URI1: variants seen among roughly 807,000 people sequenced by gnomAD.
URI1 encodes the protein URI1 prefoldin like chaperone, also known as unconventional prefoldin RPB5 interactor 1.
URI1 carries 39 observed loss-of-function variants against 60.2 expected under a neutral mutation model. The ratio of observed to expected loss-of-function variants is 0.65; its 90% CI spans 0.50 to 0.85. The LOEUF is 0.85. Among genes scored for constraint, URI1 ranks in the 40% least tolerant of loss-of-function variants. URI1 has a pLI of 0.00. For missense variants in URI1, 691 were observed against 665.9 expected (o/e 1.04, Z -0.42); for synonymous variants, 251 against 236.8 (o/e 1.06, Z -0.55).
intron 4 of URI1, among the ~76,000 whole-genome samples, chr19:29,994,399 G>A (rs1177430300): frequency 6.7e-6 from 1 of 148,360 alleles, no homozygotes; most frequent in African/African-American, 2.5e-5. Context: ...AATTAAAACT[G>A]TACCAGTTAG....
chr19:29,962,260 C>T (rs184031490), intron 1 of URI1, among the ~76,000 whole-genome samples: 92 of 150,014 alleles, frequency 6.1e-4, no homozygotes, highest in African/African-American at 2.0e-3. Context: ...TCTTTTTTCT[C>T]TGCTTTTTTT....
intron 2 of URI1, among the ~76,000 whole-genome samples, chr19:29,984,051 AG>A (rs2055630489): frequency 6.6e-6 from 1 of 152,210 alleles, no homozygotes; most frequent in Admixed American, 6.5e-5. Context: ...TTTTCTGATG[AG>A]GACTAAAGCA....
chr19:29,932,047 C>G (rs1369467362), intron 1 of URI1, among the ~76,000 whole-genome samples: 1 of 151,584 alleles, frequency 6.6e-6, no homozygotes, highest in Non-Finnish European at 1.5e-5. Flanking sequence ...CCTTTCATTT[C>G]TTTATCTTGC....
At chr19:29,961,640 T>G (rs1159756800) in intron 1 of URI1, among the ~76,000 whole-genome samples, 1 of 151,832 alleles carries the variant, frequency 6.6e-6, no homozygotes, top group Non-Finnish European at 1.5e-5. Flanking sequence ...CATGGGTGTT[T>G]GGTTTAAGTA....
At chr19:29,996,249 T>A (rs1269793270) in intron 4 of URI1, among the ~76,000 whole-genome samples, 2 of 152,306 alleles carry the variant, frequency 1.3e-5, no homozygotes, top group East Asian at 3.9e-4. Context: ...ACATAGGATA[T>A]CTATTTATTT....
At chr19:29,948,973 C>CGCCT in intron 1 of URI1, among the ~76,000 whole-genome samples, 1 of 149,808 alleles carries the variant, frequency 6.7e-6, no homozygotes, top group Non-Finnish European at 1.5e-5. Flanking sequence ...AGGCGCCCCC[C>CGCCT]ACCTCCCGGA....
intron 4 of URI1, among the ~76,000 whole-genome samples, chr19:29,987,900 G>T (rs1269395009): frequency 1.3e-5 from 2 of 152,154 alleles, no homozygotes; most frequent in African/African-American, 2.4e-5. Flanking sequence ...GGGCGCAGGG[G>T]CTCATGCCTG....
intron 4 of URI1, among the ~76,000 whole-genome samples, chr19:29,999,007 A>G (rs545050976): frequency 6.4e-4 from 98 of 152,202 alleles, no homozygotes; most frequent in African/African-American, 2.3e-3. Context: ...ATTACATAGA[A>G]CATCCTAAGG....
intron 4 of URI1, among the ~76,000 whole-genome samples, chr19:30,001,313 A>G (rs1282833283): frequency 2.0e-5 from 3 of 151,626 alleles, no homozygotes; most frequent in Non-Finnish European, 4.4e-5. Context: ...AAGCTGATTT[A>G]TTTATTTTTT....
At chr19:29,951,207 CTTGT>C (rs1890036662) in intron 1 of URI1, among the ~76,000 whole-genome samples, 1 of 152,020 alleles carries the variant, frequency 6.6e-6, no homozygotes, top group African/African-American at 2.4e-5. Context: ...TTGCTAACCA[CTTGT>C]TTAAGATGTC....
intron 1 of URI1, among the ~76,000 whole-genome samples, chr19:29,932,707 A>G (rs1189953676): frequency 6.9e-6 from 1 of 145,620 alleles, no homozygotes; most frequent in Non-Finnish European, 1.5e-5. Flanking sequence ...GCTGGAGTGC[A>G]GTGGCACGAT....
At chr19:29,935,714 T>C (rs576212133) in intron 1 of URI1, among the ~76,000 whole-genome samples, 20 of 149,338 alleles carry the variant, frequency 1.3e-4, no homozygotes, top group South Asian at 1.1e-3. Flanking sequence ...TTTTTTTTTT[T>C]CCCCAGGACT....
In URI1 at chr19:29,956,815, G is replaced by T. The variant is rs564788957; in HGVS notation, c.117+14151G>T. ...GTTCCTTTCTGTTACCCGACCATTT[G>T]TCAACCCGGAGCCTCTTTTTTTTCT... On this transcript the variant is annotated intron_variant, in intron 1 of 10. Coordinates refer to ENST00000392271, the MANE Select transcript of URI1 (RefSeq NM_003796.3). 27 of 1,593,850 alleles carry T rather than the reference G, an allele frequency of 1.7e-5. No homozygotes were observed. In the South Asian group the frequency reaches 2.9e-4, roughly 17 times the overall value.
At position 29,977,811 on chromosome 19, in the gene URI1, C is replaced by CA. The variant is rs971242404; in HGVS notation, c.152+6593dup. 7.9e-4 allele frequency among the ~76,000 whole-genome samples: 115 copies of CA among 145,228 alleles called. 2 individuals carry two copies. The highest frequency in any genetic ancestry group is 2.1e-3 in the African/African-American group (83 of 39,490). On this transcript the variant is annotated intron_variant, in intron 2 of 10. Transcript: ENST00000392271. ...TAATGTTTCAAAGCAAATTAAGAGG[C>CA]AAAAAAAAAGATTCAAGTTGAATGT...
At chr19:29,952,886 C>T (rs2055196868) in intron 1 of URI1, among the ~76,000 whole-genome samples, 1 of 152,178 alleles carries the variant, frequency 6.6e-6, no homozygotes, top group African/African-American at 2.4e-5. Flanking sequence ...TCCCCCAAAC[C>T]CCAAGTCATT....
intron 4 of URI1, among the ~76,000 whole-genome samples, chr19:30,001,797 TTTCTC>T (rs772345811): frequency 6.6e-5 from 10 of 152,012 alleles, no homozygotes; most frequent in Non-Finnish European, 7.4e-5. Flanking sequence ...TCTTGTCTAT[TTTCTC>T]TTCAAATGTA....
intron 1 of URI1, among the ~76,000 whole-genome samples, chr19:29,945,379 CTCT>C (rs1164617902): frequency 6.6e-6 from 1 of 152,160 alleles, no homozygotes; most frequent in Non-Finnish European, 1.5e-5. Flanking sequence ...CGCTCTCTCT[CTCT>C]TTTTTTCTTG....
chr19:29,924,983 GC>G (rs2054853559), intron 1 of URI1, among the ~76,000 whole-genome samples: 1 of 152,150 alleles, frequency 6.6e-6, no homozygotes, highest in South Asian at 2.1e-4. Context: ...TCACAGGCAT[GC>G]ACCACCACGC....
intron 2 of URI1, among the ~76,000 whole-genome samples, chr19:29,979,141 C>T (rs757880034): frequency 8.6e-5 from 13 of 152,002 alleles, no homozygotes; most frequent in African/African-American, 2.7e-4. Flanking sequence ...CTATGAATTA[C>T]GGTAAGATTT....
Sources: allele counts gnomAD v4.1 joint callset (sites outside exome capture counted in the v4.1 genomes callset), GRCh38; gene constraint gnomAD v4.1.1; transcripts MANE v1.5; gene names NCBI Gene and HGNC (gene_info 2026-07-23, HGNC 2026-07-21).